Variants in RFX2 observed in about 807,000 individuals in gnomAD.
The protein encoded by RFX2 is regulatory factor X2, also known as DNA-binding protein RFX2.
RFX2 carries 20 observed loss-of-function variants against 87.8 expected under a neutral mutation model. The ratio of observed to expected loss-of-function variants is 0.23; its 90% CI spans 0.16 to 0.33. RFX2 has a LOEUF of 0.33. RFX2 is among the 10% of genes least tolerant of loss of function. The pLI is 1.00. For synonymous variants in RFX2, 397 were observed against 431.3 expected (o/e 0.92, Z 0.98); for missense variants, 767 against 1,012.3 (o/e 0.76, Z 3.29).
chr19:6,032,617 C>T lies in RFX2; in HGVS notation c.523-6380G>A, dbSNP rs1599868628. Among the ~76,000 whole-genome samples, 5 of 152,302 alleles carry T rather than the reference C, an allele frequency of 3.3e-5. 1 individual carries two copies. Among genetic ancestry groups the T allele is most frequent in the Admixed American group, 3.3e-4 (5 of 15,298 alleles). ...ATTTTAATCCCTTTGTCTGTTCCTC[C>T]CAACTCCCACTTGGCAGGGGGAGCC... is the stretch of plus-strand genomic sequence containing the variant. On this transcript the variant is annotated intron_variant, in intron 5 of 17. Transcript: ENST00000303657.
At chr19:6,076,634 C>T (rs1184210026) in intron 1 of RFX2, among the ~76,000 whole-genome samples, 2 of 152,202 alleles carry the variant, frequency 1.3e-5, no homozygotes, top group Non-Finnish European at 2.9e-5. Flanking sequence ...TAATGGCCAG[C>T]CCAGCACACG....
intron 1 of RFX2, among the ~76,000 whole-genome samples, chr19:6,067,664 G>A (rs539172040): frequency 6.6e-6 from 1 of 152,210 alleles, no homozygotes; most frequent in South Asian, 2.1e-4. Context: ...GACCAGGAGA[G>A]GGTGAAGTGG....
In RFX2 at chr19:6,012,593, G is replaced by A. The variant is rs983774779; in HGVS notation, c.899+393C>T. On this transcript the variant is annotated intron_variant, in intron 8 of 17. Coordinates refer to ENST00000303657, the MANE Select transcript of RFX2 (RefSeq NM_000635.4). This position sits in a 1 kb window ranked among gnomAD's most constrained non-coding sequence, Gnocchi z 4.6. ...CTCTGGGGGGTGATGCTGGCTCCGC[G>A]GAGGGTCACGGGTCATGAGCAATGC... is the stretch of plus-strand genomic sequence containing the variant. Among the ~76,000 whole-genome samples, 3 of 152,114 alleles carry A rather than the reference G, an allele frequency of 2.0e-5. No homozygotes were observed. The highest frequency in any genetic ancestry group is 3.2e-3 in the Middle Eastern group (1 of 316).
chr19:6,028,637 T>G (rs1399406944), intron 5 of RFX2, among the ~76,000 whole-genome samples: 4 of 151,940 alleles, frequency 2.6e-5, no homozygotes, highest in African/African-American at 4.8e-5. Context: ...GGGCAAAAAT[T>G]GTCAGAATCG....
Position 6,026,396 on chromosome 19 carries a change from G to T in RFX2, c.523-159C>A. 1 of 658,762 alleles carries T rather than the reference G, an allele frequency of 1.5e-6. No homozygotes were observed. Among genetic ancestry groups the T allele is most frequent in the Non-Finnish European group, 2.6e-6 (1 of 384,286 alleles). The allele number at this position is 658,762 out of a possible 1,614,324, so 40.8% of individuals were successfully genotyped here. ...TGAGGCTCCACGCAGGCAGGGCGGG[G>T]GTGAGTTAAATTGTGCATGAAAGCT... is the stretch of plus-strand genomic sequence containing the variant. On this transcript the variant is annotated intron_variant, in intron 5 of 17. Coordinates refer to ENST00000303657, the MANE Select transcript of RFX2 (RefSeq NM_000635.4). The surrounding 1 kb of genome is among the most constrained non-coding windows in gnomAD (Gnocchi z 4.5).
At chr19:6,019,475 T>C (rs1355320782) in intron 6 of RFX2, among the ~76,000 whole-genome samples, 1 of 150,694 alleles carries the variant, frequency 6.6e-6, no homozygotes, top group Admixed American at 6.6e-5. Context: ...ATGAATACTA[T>C]GAACCACAAC....
chr19:6,107,616 C>CAA lies in RFX2; in HGVS notation c.-9+2775_-9+2776dup, dbSNP rs1156483792. On this transcript the variant is annotated intron_variant, in intron 1 of 17. Transcript: ENST00000303657. ...TGGGTGACAGAGTGAGACCCTGTCT[C>CAA]AAAAAAAAAAAAAAAAAAAAAAAAA... is the stretch of plus-strand genomic sequence containing the variant. Among the ~76,000 whole-genome samples, 150 of 31,530 alleles carry CAA rather than the reference C, an allele frequency of 4.8e-3. 24 individuals carry two copies. The highest frequency in any genetic ancestry group is 0.013 in the African/African-American group (108 of 8,076). The allele number at this position is 31,530 out of a possible 152,430, so 20.7% of individuals were successfully genotyped here.
intron 6 of RFX2, among the ~76,000 whole-genome samples, chr19:6,019,377 C>G (rs1272522144): frequency 6.6e-6 from 1 of 151,980 alleles, no homozygotes; most frequent in Non-Finnish European, 1.5e-5. Context: ...GGCAGTGTTG[C>G]TTTTTTCTCC....
rs368573642 is a variant in RFX2 at position 5,997,525 on chromosome 19, C to G, written c.1860-312G>C. On this transcript the variant is annotated intron_variant, in intron 15 of 17. Transcript: ENST00000303657. This position sits in a 1 kb window ranked among gnomAD's most constrained non-coding sequence, Gnocchi z 4.2. ...CAACTGTGGCTGGTGCTAGCGCAGG[C>G]GCTAGATGGGATCTTAGCTGGTGAG... Among the ~76,000 whole-genome samples, 1 of 152,204 alleles carries G rather than the reference C, an allele frequency of 6.6e-6. No individual in the cohort carries two copies. The highest frequency in any genetic ancestry group is 2.4e-5 in the African/African-American group (1 of 41,454).
At chr19:6,031,547 A>C (rs2086954035) in intron 5 of RFX2, among the ~76,000 whole-genome samples, 1 of 143,826 alleles carries the variant, frequency 7.0e-6, no homozygotes, top group Non-Finnish European at 1.5e-5. Context: ...CTCCTGCCTC[A>C]GCCTCCCGAG....
chr19:6,035,850 G>GTGTGTGTGTGTGTGTGTGT (rs1555776253), intron 5 of RFX2, among the ~76,000 whole-genome samples: 3 of 137,166 alleles, frequency 2.2e-5, no homozygotes, highest in Non-Finnish European at 3.1e-5. Context: ...CTTGGTGGGG[G>GTGTGTGTGTGTGTGTGTGT]GTGTGTGTGT....
At chr19:6,072,022 A>G (rs2087613556) in intron 1 of RFX2, 1 of 152,206 alleles carries the variant, frequency 6.6e-6, no homozygotes, top group Non-Finnish European at 1.5e-5. Flanking sequence ...AGGAGGGGCG[A>G]GAACAAACCC....
In RFX2 at chr19:5,997,455, A is replaced by C. The variant is rs2086429481; in HGVS notation, c.1860-242T>G. On this transcript the variant is annotated intron_variant, in intron 15 of 17. Coordinates refer to ENST00000303657, the MANE Select transcript of RFX2 (RefSeq NM_000635.4). The surrounding 1 kb of genome is among the most constrained non-coding windows in gnomAD (Gnocchi z 4.2). Reference sequence around the variant, plus strand: ...TTCCAGAGACCACCTGGGGAACAGGAGAGGGAGATGGGCAGTCAGCCCCAA... The same window carrying C: ...TTCCAGAGACCACCTGGGGAACAGGCGAGGGAGATGGGCAGTCAGCCCCAA... The C allele has an allele frequency of 2.2e-6, 1 of 459,410 alleles. No homozygotes were observed. The highest frequency in any genetic ancestry group is 4.2e-5 in the South Asian group (1 of 23,934). The allele number at this position is 459,410 out of a possible 1,614,324, so 28.5% of individuals were successfully genotyped here. A position where few individuals can be genotyped will look rare whatever the true frequency, so the allele number is the denominator to read the frequency against.
rs779559219 is a variant in RFX2, at chr19:6,040,159, C to T, written c.343G>A (p.Ala115Thr). 22 of 1,604,134 alleles carry T rather than the reference C, an allele frequency of 1.4e-5. No individual in the cohort carries two copies. Among genetic ancestry groups the T allele is most frequent in the Non-Finnish European group, 1.8e-5 (21 of 1,173,156 alleles). Residue 115 changes from alanine (A) to threonine (T), a missense_variant, in exon 5 of 18, where the codon GCC (alanine) becomes ACC (threonine). Coordinates refer to ENST00000303657, the MANE Select transcript of RFX2 (RefSeq NM_000635.4). This position sits in a 1 kb window ranked among gnomAD's most constrained non-coding sequence, Gnocchi z 6.1. ...TASYFEAPGG[A>T]QVTVAASSPP... ...GACGAGGCTGCCACGGTCACCTGGG[C>T]ACCGCCTGGGGCCTCGAAGTAAGAA...
rs1272525386 is a variant in RFX2 at position 6,064,339 on chromosome 19, C to T, written c.-8-16835G>A. Among the ~76,000 whole-genome samples, 1 of 152,212 alleles carries T rather than the reference C, an allele frequency of 6.6e-6. No individual in the cohort carries two copies. Among genetic ancestry groups the T allele is most frequent in the Non-Finnish European group, 1.5e-5 (1 of 68,040 alleles). ...TTCTCTTACCAGCCTTTCTTTCCCT[C>T]TCACGTTTCTCTCCCTTTCTGACCA... On this transcript the variant is annotated intron_variant, in intron 1 of 17. Coordinates refer to ENST00000303657, the MANE Select transcript of RFX2 (RefSeq NM_000635.4). The surrounding 1 kb of genome is among the most constrained non-coding windows in gnomAD (Gnocchi z 4.8).
At position 6,010,192 on chromosome 19, in the gene RFX2, T is replaced by C; in HGVS notation, c.959A>G (p.His320Arg). 6.5e-7 allele frequency: 1 copy of C among 1,548,844 alleles called. No homozygotes were observed. The highest frequency in any genetic ancestry group is 8.7e-7 in the Non-Finnish European group (1 of 1,146,986). ...LGDSGSHSGL[H>R]STPEQTMAVQ... ...GGCCATGGTCTGTTCCGGAGTGCTG[T>C]GCAGGCCGCTGTGGGAGCCGCTGTC... The change falls in exon 9 of 18, where the codon CAC becomes CGC. Residue 320 changes from histidine (H) to arginine (R), a missense_variant. Physicochemically the swap from His to Arg is conservative, Grantham distance 29. This residue lies in a region of RFX2 where 621 missense variants were observed against 873.0 expected (regional missense o/e 0.71). Coordinates refer to ENST00000303657, the MANE Select transcript of RFX2 (RefSeq NM_000635.4). The surrounding 1 kb of genome is among the most constrained non-coding windows in gnomAD (Gnocchi z 5.0).
intron 17 of RFX2, 58 bp downstream of exon 17, chr19:5,995,543 G>A (rs1267490779): frequency 7.3e-6 from 11 of 1,500,006 alleles, no homozygotes; most frequent in East Asian, 4.9e-5. Context: ...GACAGGCCAC[G>A]GCCAGGAGTA....
In RFX2 at chr19:6,016,234, C is replaced by T. The variant is rs1334425422; in HGVS notation, c.635G>A (p.Gly212Asp). ...AAGAGAACTTCTGGGGAGACTCACACCTTCCGCTGTTTCATAATTATCCAA... is the reference window on the plus strand; with the variant it reads ...AAGAGAACTTCTGGGGAGACTCACATCTTCCGCTGTTTCATAATTATCCAA... ...WLLDNYETAEGVSLPRSSLYN... is the reference protein window; with the variant it reads ...WLLDNYETAEDVSLPRSSLYN... Residue 212 changes from glycine (G) to aspartate (D), a missense_variant, in exon 7 of 18, where the codon GGT (glycine) becomes GAT (aspartate). By Grantham distance (94) the Gly-to-Asp change is moderately conservative. Transcript: ENST00000303657. The surrounding 1 kb of genome is among the most constrained non-coding windows in gnomAD (Gnocchi z 5.4). The T allele has an allele frequency of 1.3e-5, 21 of 1,610,758 alleles. No individual in the cohort carries two copies. Among genetic ancestry groups the T allele is most frequent in the Non-Finnish European group, 1.8e-5 (21 of 1,178,274 alleles).
rs2087184646 is a variant in RFX2, at chr19:6,045,993, T to A, written c.90+1414A>T. 6.6e-6 allele frequency among the ~76,000 whole-genome samples: 1 copy of A among 152,084 alleles called. No individual in the cohort carries two copies. The highest frequency in any genetic ancestry group is 2.4e-5 in the African/African-American group (1 of 41,412). On this transcript the variant is annotated intron_variant, in intron 2 of 17. Transcript: ENST00000303657. This position sits in a 1 kb window ranked among gnomAD's most constrained non-coding sequence, Gnocchi z 5.2. ...TGTGCCACCATGCCTGGCCCTGAAT[T>A]GTGTGTTTTAAAACCATAATCATTT...
Sources: allele counts gnomAD v4.1 joint callset (sites outside exome capture counted in the v4.1 genomes callset), GRCh38; gene constraint gnomAD v4.1.1; regional missense constraint gnomAD v4.1.1; non-coding constraint Gnocchi (gnomAD v3.1); transcripts MANE v1.5; gene names NCBI Gene and HGNC (gene_info 2026-07-23, HGNC 2026-07-21).